The following CTNND2 variants were observed in gnomAD, a reference collection of about 807,000 sequenced individuals.
The protein encoded by CTNND2 is catenin delta 2, also known as catenin delta-2.
CTNND2 carries 22 observed loss-of-function variants against 144.4 expected under a neutral mutation model. That is an observed-to-expected ratio of 0.15 (90% CI 0.11 to 0.22). The LOEUF (loss-of-function observed/expected upper bound fraction) is 0.22. CTNND2 is among the 10% of genes least tolerant of loss of function. The pLI, the probability that CTNND2 is intolerant of heterozygous loss-of-function variation, is 1.00. For synonymous variants in CTNND2, 751 were observed against 695.6 expected, an observed-to-expected ratio of 1.08 and a Z score of -1.25; for missense variants, 1,353 against 1,618.8, an observed-to-expected ratio of 0.84 and a Z score of 2.82.
intron 9 of CTNND2, among the ~76,000 whole-genome samples, chr5:11,262,033 CA>C (rs1374452137): frequency 6.6e-6 from 1 of 152,032 alleles, no homozygotes. Context: ...TTATAGAGAT[CA>C]AGAGTTTCAT....
intron 7 of CTNND2, among the ~76,000 whole-genome samples, chr5:11,380,032 G>C (rs1758322504): frequency 6.6e-6 from 1 of 152,100 alleles, no homozygotes; most frequent in South Asian, 2.1e-4. Flanking sequence ...CTTTCTAGTT[G>C]CTCCTTTATA....
chr5:11,513,355 T>A (rs1052828440), intron 3 of CTNND2, among the ~76,000 whole-genome samples: 3 of 152,200 alleles, frequency 2.0e-5, no homozygotes, highest in Non-Finnish European at 4.4e-5. Context: ...AACAATGTTG[T>A]CCTTGACAGC....
At chr5:11,162,976 G>A (rs1350212747) in intron 11 of CTNND2, among the ~76,000 whole-genome samples, 3 of 151,874 alleles carry the variant, frequency 2.0e-5, no homozygotes, top group Admixed American at 6.6e-5. Flanking sequence ...AGAACTGGAC[G>A]TATCTAGGCA....
At chr5:11,650,682 A>C (rs1782603525) in intron 2 of CTNND2, among the ~76,000 whole-genome samples, 1 of 152,186 alleles carries the variant, frequency 6.6e-6, no homozygotes, top group Non-Finnish European at 1.5e-5. Flanking sequence ...ACTGAAGTGA[A>C]AGTCACTCTT....
Position 11,641,847 on chromosome 5 carries a change from T to C in CTNND2, c.175-76791A>G, listed in dbSNP as rs576967184. ...ACGTATATGTGTATGTATGTATGTATATACATATACATATATATTTTGCCA... is the reference window on the plus strand; with the variant it reads ...ACGTATATGTGTATGTATGTATGTACATACATATACATATATATTTTGCCA... On this transcript the variant is annotated intron_variant, in intron 2 of 21. Transcript: ENST00000304623. Among the ~76,000 whole-genome samples the C allele has an allele frequency of 1.5e-3, 233 of 151,416 alleles. 1 individual carries two copies. The highest frequency in any genetic ancestry group is 5.4e-3 in the South Asian group (26 of 4,798).
At chr5:11,816,447 T>TC (rs759204385) in intron 1 of CTNND2, among the ~76,000 whole-genome samples, 9 of 151,434 alleles carry the variant, frequency 5.9e-5, no homozygotes, top group Non-Finnish European at 8.8e-5. Flanking sequence ...ACAACATGCA[T>TC]CAGGGTCTAC....
In CTNND2 at chr5:10,992,476, G is replaced by A. The variant is rs187187810; in HGVS notation, c.3211+75C>T. 3.1e-6 allele frequency: 5 copies of A among 1,599,144 alleles called. No individual in the cohort carries two copies. The East Asian group carries it at 1.1e-4, about 36-fold the overall frequency. On this transcript the variant is annotated intron_variant, in intron 19 of 21. Transcript: ENST00000304623. ...AAGGCTCTCCTCTGAGTACGGGTTG[G>A]CTCACGGACTGGGAAGGACCGTCTT...
chr5:11,677,299 T>C (rs908337597), intron 2 of CTNND2, among the ~76,000 whole-genome samples: 3 of 152,240 alleles, frequency 2.0e-5, no homozygotes, highest in African/African-American at 7.2e-5. Flanking sequence ...CACTGAGCTG[T>C]AACCAATCAG....
At chr5:11,209,460 C>T (rs2149843112) in intron 10 of CTNND2, among the ~76,000 whole-genome samples, 1 of 152,186 alleles carries the variant, frequency 6.6e-6, no homozygotes, top group Non-Finnish European at 1.5e-5. Flanking sequence ...CTGAATCACA[C>T]CTAAAGGTCT....
chr5:11,240,324 C>T (rs1177576962), intron 9 of CTNND2, among the ~76,000 whole-genome samples: 111 of 121,696 alleles, frequency 9.1e-4, no homozygotes, highest in Non-Finnish European at 9.7e-4. Flanking sequence ...CCAACACACA[C>T]ACACCCAACA....
intron 3 of CTNND2, among the ~76,000 whole-genome samples, chr5:11,492,391 G>C (rs1033120468): frequency 3.9e-5 from 6 of 152,036 alleles, no homozygotes; most frequent in Admixed American, 3.9e-4. Flanking sequence ...ACACATATTT[G>C]TAAGTATGTG....
At chr5:11,856,476 A>T (rs1352797040) in intron 1 of CTNND2, among the ~76,000 whole-genome samples, 1 of 152,162 alleles carries the variant, frequency 6.6e-6, no homozygotes, top group Non-Finnish European at 1.5e-5. Flanking sequence ...TCGGCTCAGG[A>T]TGATAGTTTA....
intron 3 of CTNND2, among the ~76,000 whole-genome samples, chr5:11,517,480 T>C (rs1047481770): frequency 5.3e-5 from 8 of 152,184 alleles, no homozygotes; most frequent in African/African-American, 7.2e-5. Flanking sequence ...AAAATTAAAA[T>C]TGTACATATT....
rs116680096 is a variant in CTNND2 at position 11,827,831 on chromosome 5, A to T, written c.37+75986T>A. ...CCAAAGAAAACACACAATTTGCTTC[A>T]AAGGTGAATATTTTAAAAGAAATTA... On this transcript the variant is annotated intron_variant, in intron 1 of 21. Coordinates refer to ENST00000304623, the MANE Select transcript of CTNND2 (RefSeq NM_001332.4). Among the ~76,000 whole-genome samples the T allele has an allele frequency of 6.6e-3, 1,013 of 152,332 alleles. 11 individuals are homozygous for T. Among genetic ancestry groups the T allele is most frequent in the African/African-American group, 0.023 (937 of 41,580 alleles).
chr5:10,976,653 C>T (rs534077098), intron 21 of CTNND2, among the ~76,000 whole-genome samples: 1 of 152,314 alleles, frequency 6.6e-6, no homozygotes, highest in South Asian at 2.1e-4. Flanking sequence ...GAACTTTTTC[C>T]TCAACAGTAG....
intron 11 of CTNND2, among the ~76,000 whole-genome samples, chr5:11,179,208 G>T (rs533640563): frequency 6.6e-6 from 1 of 151,890 alleles, no homozygotes; most frequent in African/African-American, 2.4e-5. Context: ...TAGGAGAATC[G>T]CTTGAACCCA....
intron 1 of CTNND2, among the ~76,000 whole-genome samples, chr5:11,755,625 G>C (rs902224026): frequency 1.5e-4 from 18 of 122,216 alleles, no homozygotes; most frequent in African/African-American, 5.0e-4. Context: ...ATTTCTAGGA[G>C]TTTTTGTTCA....
chr5:11,542,790 T>C (rs1417239326), intron 3 of CTNND2, among the ~76,000 whole-genome samples: 1 of 152,190 alleles, frequency 6.6e-6, no homozygotes, highest in Non-Finnish European at 1.5e-5. Flanking sequence ...AAAGCCTTGA[T>C]AAAGTATCAC....
intron 17 of CTNND2, among the ~76,000 whole-genome samples, chr5:11,019,914 C>T (rs1409214428): frequency 6.6e-6 from 1 of 152,080 alleles, no homozygotes; most frequent in Non-Finnish European, 1.5e-5. Context: ...ATAGAATGTC[C>T]ATAATGTATG....
Sources: allele counts gnomAD v4.1 joint callset (sites outside exome capture counted in the v4.1 genomes callset), GRCh38; gene constraint gnomAD v4.1.1; transcripts MANE v1.5; gene names NCBI Gene and HGNC (gene_info 2026-07-23, HGNC 2026-07-21).